Variants in GUCY1A2 observed in about 807,000 individuals in gnomAD.
The protein encoded by GUCY1A2 is guanylate cyclase soluble subunit alpha-2.
GUCY1A2 carries 27 observed loss-of-function variants against 63.5 expected under a neutral mutation model. The ratio of observed to expected loss-of-function variants is 0.43; its 90% CI spans 0.31 to 0.59. The LOEUF (loss-of-function observed/expected upper bound fraction) is 0.59, where lower values mean the gene tolerates loss of function less well. GUCY1A2 is among the 20% of genes least tolerant of loss of function. The probability of loss-of-function intolerance (pLI) is 0.11; values close to 1 mark genes in which losing one functional copy is unlikely to be tolerated. For missense variants in GUCY1A2, 768 were observed against 913.3 expected, an observed-to-expected ratio of 0.84 and a Z score of 2.05; for synonymous variants, 364 against 343.5, an observed-to-expected ratio of 1.06 and a Z score of -0.66.
chr11:106,939,393 T>C (rs1189110172), intron 4 of GUCY1A2, 67 bp downstream of exon 4: 3 of 803,476 alleles, frequency 3.7e-6, no homozygotes, highest in Non-Finnish European at 6.2e-6. Flanking sequence ...ACAGCCACCA[T>C]GTAATTTACT....
intron 4 of GUCY1A2, among the ~76,000 whole-genome samples, chr11:106,928,546 G>A (rs924750699): frequency 1.3e-5 from 2 of 150,848 alleles, no homozygotes; most frequent in Non-Finnish European, 2.9e-5. Context: ...CAAGATTATT[G>A]TATGATTCAA....
At chr11:106,875,605 A>C (rs1859738211) in intron 4 of GUCY1A2, among the ~76,000 whole-genome samples, 2 of 152,022 alleles carry the variant, frequency 1.3e-5, no homozygotes, top group Non-Finnish European at 2.9e-5. Context: ...CTTAAGATTT[A>C]CCAGCTTATC....
chr11:106,990,003 T>G (rs1477917500), intron 1 of GUCY1A2, among the ~76,000 whole-genome samples: 1 of 152,216 alleles, frequency 6.6e-6, no homozygotes, highest in Non-Finnish European at 1.5e-5. Context: ...TATAGCCCTA[T>G]GCTGGAGGAT....
rs1862340473 is a variant in GUCY1A2, at chr11:106,676,067, A to G, written c.*11482T>C. The G allele has an allele frequency of 1.1e-5, 2 of 184,062 alleles. No individual in the cohort carries two copies. Among genetic ancestry groups the G allele is most frequent in the African/African-American group, 4.7e-5 (2 of 42,610 alleles). 11.4% of individuals were successfully genotyped at this position (184,062 alleles called of 1,614,324 possible). On this transcript the variant is annotated 3_prime_UTR_variant, in exon 8 of 8. Coordinates refer to ENST00000526355, the MANE Select transcript of GUCY1A2 (RefSeq NM_000855.3). Reference sequence around the variant, plus strand: ...TTTTTCTGTATAATTTTCTATTAACACAAACTTATGTCATGAAGATAATTA... The same window carrying G: ...TTTTTCTGTATAATTTTCTATTAACGCAAACTTATGTCATGAAGATAATTA...
At chr11:106,748,216 G>A (rs910103836) in intron 6 of GUCY1A2, among the ~76,000 whole-genome samples, 1 of 152,158 alleles carries the variant, frequency 6.6e-6, no homozygotes, top group Admixed American at 6.5e-5. Context: ...TGATAATAGA[G>A]CTATCCTCTT....
At chr11:106,965,073 G>A (rs550623220) in intron 3 of GUCY1A2, among the ~76,000 whole-genome samples, 3 of 151,442 alleles carry the variant, frequency 2.0e-5, no homozygotes, top group African/African-American at 7.3e-5. Flanking sequence ...TAAACACAGG[G>A]TGTTGTTTTT....
chr11:106,995,157 A>C (rs951992054), intron 1 of GUCY1A2, among the ~76,000 whole-genome samples: 4 of 152,222 alleles, frequency 2.6e-5, no homozygotes, highest in Non-Finnish European at 4.4e-5. Flanking sequence ...TTCAGTCTTC[A>C]AAGTGTAAAA....
At chr11:106,738,793 A>G (rs1863636285) in intron 6 of GUCY1A2, among the ~76,000 whole-genome samples, 1 of 152,170 alleles carries the variant, frequency 6.6e-6, no homozygotes, top group Non-Finnish European at 1.5e-5. Flanking sequence ...TGGTTACTGT[A>G]GCCTTGTAGT....
At chr11:106,934,510 C>T (rs1056171464) in intron 4 of GUCY1A2, among the ~76,000 whole-genome samples, 3 of 152,066 alleles carry the variant, frequency 2.0e-5, no homozygotes, top group Non-Finnish European at 4.4e-5. Context: ...TTTCAATCAT[C>T]GCCTCAGAAA....
chr11:106,738,660 A>G (rs1292543384), intron 6 of GUCY1A2, among the ~76,000 whole-genome samples: 2 of 152,106 alleles, frequency 1.3e-5, no homozygotes, highest in African/African-American at 4.8e-5. Flanking sequence ...TCCTTTCCCC[A>G]TTTCTTGTTT....
At chr11:106,918,924 A>T (rs554246384) in intron 4 of GUCY1A2, among the ~76,000 whole-genome samples, 77 of 152,282 alleles carry the variant, frequency 5.1e-4, no homozygotes, top group African/African-American at 1.8e-3. Context: ...AAAATCTGAT[A>T]TTTAACCTAA....
intron 7 of GUCY1A2, among the ~76,000 whole-genome samples, chr11:106,707,838 T>G (rs1223500483): frequency 6.6e-6 from 1 of 152,078 alleles, no homozygotes; most frequent in East Asian, 1.9e-4. Flanking sequence ...AAAAAGAATT[T>G]AATGTTTTAC....
At position 106,810,203 on chromosome 11, in the gene GUCY1A2, T is replaced by C. The variant is rs1265218390; in HGVS notation, c.1482A>G (p.Leu494=). The change falls in exon 5 of 8, where the codon CTA becomes CTG. Residue 494 remains leucine (L), a synonymous_variant. Transcript: ENST00000526355. ...EEEKKKTVDL[L]YSIFPGDVAQ... ...CTACATCACCAGGGAAAATAGAATA[T>C]AGAAGATCCACTGTCTTCTTTTTCT... is the stretch of plus-strand genomic sequence containing the variant. The C allele has an allele frequency of 2.5e-6, 4 of 1,613,646 alleles. No homozygotes were observed. The Admixed American group carries it at 5.0e-5, about 20-fold the overall frequency.
At chr11:106,933,683 G>A (rs1037849226) in intron 4 of GUCY1A2, among the ~76,000 whole-genome samples, 14 of 152,124 alleles carry the variant, frequency 9.2e-5, no homozygotes, top group Admixed American at 9.2e-4. Flanking sequence ...GCGAAGACAG[G>A]GAATCAACCC....
intron 4 of GUCY1A2, among the ~76,000 whole-genome samples, chr11:106,835,645 G>C (rs1037062134): frequency 2.6e-5 from 4 of 150,958 alleles, no homozygotes; most frequent in Non-Finnish European, 5.9e-5. Context: ...TGAATCCACA[G>C]ATAGCACAGA....
intron 5 of GUCY1A2, among the ~76,000 whole-genome samples, chr11:106,800,944 C>G (rs999218001): frequency 6.6e-6 from 1 of 151,904 alleles, no homozygotes; most frequent in Non-Finnish European, 1.5e-5. Context: ...CCTACCTGCT[C>G]CACCAAAAGG....
In GUCY1A2 at chr11:106,681,588, GAAT is replaced by G; in HGVS notation, c.*5958_*5960del. ...ATCACTTTACAGCATGTTTGCAAAT[GAAT>G]AACTTCTGAGATAGATTAAACATGT... On this transcript the variant is annotated 3_prime_UTR_variant, in exon 8 of 8. Transcript: ENST00000526355. The G allele has an allele frequency of 4.5e-6, 1 of 223,080 alleles. No homozygotes were observed. The highest frequency in any genetic ancestry group is 6.5e-5 in the East Asian group (1 of 15,380). The allele number at this position is 223,080 out of a possible 1,614,324, so 13.8% of individuals were successfully genotyped here.
At position 107,017,825 on chromosome 11, in the gene GUCY1A2, C is replaced by A. The variant is rs772586787; in HGVS notation, c.231G>T (p.Arg77Ser). The A allele has an allele frequency of 7.6e-6, 10 of 1,315,148 alleles. 1 individual carries two copies. In the South Asian group the frequency reaches 2.7e-4, roughly 36 times the overall value. 81.5% of individuals were successfully genotyped at this position (1,315,148 alleles called of 1,614,324 possible). ...TGACCCGCCTCCGGCGCTGCACCCT[C>A]CTGGCCCCGGCAGTGGCAGCGGCGG... Reference protein sequence around the residue: ...AAAAAATAGARRVQRRRRVNL... With the variant: ...AAAAAATAGASRVQRRRRVNL... Residue 77 changes from arginine to serine, a missense_variant, in exon 1 of 8, where the codon AGG (arginine) becomes AGT (serine). Around this residue, in one of 3 missense-constraint regions of GUCY1A2, gnomAD observed 496 missense variants for 486.9 expected, o/e 1.02. Coordinates refer to ENST00000526355, the MANE Select transcript of GUCY1A2 (RefSeq NM_000855.3).
rs533694632 is a variant in GUCY1A2 at position 106,871,929 on chromosome 11, A to C, written c.1207-61451T>G. ...TAGTCAAATCCCTGAAGTATTTTATATTGCAAATTCTGCATATTACCAGCC... is the reference window on the plus strand; with the variant it reads ...TAGTCAAATCCCTGAAGTATTTTATCTTGCAAATTCTGCATATTACCAGCC... On this transcript the variant is annotated intron_variant, in intron 4 of 7. Coordinates refer to ENST00000526355, the MANE Select transcript of GUCY1A2 (RefSeq NM_000855.3). Among the ~76,000 whole-genome samples the C allele has an allele frequency of 1.1e-3, 167 of 152,292 alleles. 1 individual carries two copies. Among genetic ancestry groups the C allele is most frequent in the Middle Eastern group, 0.01 (3 of 294 alleles).
Sources: allele counts gnomAD v4.1 joint callset (sites outside exome capture counted in the v4.1 genomes callset), GRCh38; gene constraint gnomAD v4.1.1; regional missense constraint gnomAD v4.1.1; transcripts MANE v1.5; gene names NCBI Gene and HGNC (gene_info 2026-07-23, HGNC 2026-07-21).